Variants in ZNF574 observed in about 807,000 individuals in gnomAD.
ZNF574 encodes the protein zinc finger protein 574.
Under a neutral mutation model 56.6 loss-of-function variants are expected in ZNF574, and 25 were observed. The observed-to-expected ratio is 0.44, with a 90% CI of 0.32 to 0.62. The LOEUF (loss-of-function observed/expected upper bound fraction) is 0.62, where lower values mean the gene tolerates loss of function less well. ZNF574 is among the 20% of genes least tolerant of loss of function. The pLI is 0.04. For missense variants in ZNF574, 1,065 were observed against 1,218.9 expected (o/e 0.87, Z 1.88); for synonymous variants, 543 against 492.1 (o/e 1.10, Z -1.37).
rs755903260 is a variant in ZNF574, at chr19:42,081,389, C to G, written c.*92C>G. 2 of 1,495,246 alleles carry G rather than the reference C, an allele frequency of 1.3e-6. No homozygotes were observed. The highest frequency in any genetic ancestry group is 2.3e-5 in the South Asian group (2 of 87,308). 92.6% of individuals were successfully genotyped at this position (1,495,246 alleles called of 1,614,324 possible). On this transcript the variant is annotated 3_prime_UTR_variant, in exon 2 of 2. Coordinates refer to ENST00000359044, the MANE Select transcript of ZNF574 (RefSeq NM_022752.6). ...GCATCTGTACATACTGTGTCCCTTCCTCTTCCCATCCCCACCACCTTGTAA... is the reference window on the plus strand; with the variant it reads ...GCATCTGTACATACTGTGTCCCTTCGTCTTCCCATCCCCACCACCTTGTAA...
chr19:42,073,597 G>C (rs998513434), upstream of ZNF574, among the ~76,000 whole-genome samples: 13 of 151,490 alleles, frequency 8.6e-5, no homozygotes, highest in Non-Finnish European at 1.5e-4. Flanking sequence ...AAGGTAGATG[G>C]ATCAACTTGA....
rs764650182 is a variant in ZNF574 at position 42,079,387 on chromosome 19, G to T, written c.781G>T (p.Val261Leu). ...GGTGCAGGCCTCGTCACCTGCAGAG[G>T]TGCCTGTGTCTCAGCCTGACCCCTT... Reference protein sequence around the residue: ...QEVQASSPAEVPVSQPDPLPA... With the variant: ...QEVQASSPAELPVSQPDPLPA... Residue 261 changes from valine (V) to leucine (L), a missense_variant, in exon 2 of 2, where the codon GTG (valine) becomes TTG (leucine). By Grantham distance (32) the Val-to-Leu change is conservative. Coordinates refer to ENST00000359044, the MANE Select transcript of ZNF574 (RefSeq NM_022752.6). This position sits in a 1 kb window ranked among gnomAD's most constrained non-coding sequence, Gnocchi z 4.3. The T allele has an allele frequency of 6.2e-7, 1 of 1,613,672 alleles. No homozygotes were observed. Among genetic ancestry groups the T allele is most frequent in the South Asian group, 1.1e-5 (1 of 91,088 alleles).
chr19:42,081,101 G>A lies in ZNF574; in HGVS notation c.2495G>A (p.Arg832His), dbSNP rs2076497570. ...TGCCCTGACTGTGGCAAGAGCTACC[G>A]CTCCTTCTCCAACCTCTGGAAGCAC... Reference protein sequence around the residue: ...YSCPDCGKSYRSFSNLWKHRK... With the variant: ...YSCPDCGKSYHSFSNLWKHRK... The change falls in exon 2 of 2, where the codon CGC (arginine) becomes CAC (histidine). Residue 832 changes from arginine (R) to histidine (H), a missense_variant. Coordinates refer to ENST00000359044, the MANE Select transcript of ZNF574 (RefSeq NM_022752.6). 2 of 1,614,142 alleles carry A rather than the reference G, an allele frequency of 1.2e-6. No individual in the cohort carries two copies. The highest frequency in any genetic ancestry group is 8.5e-7 in the Non-Finnish European group (1 of 1,180,032).
In ZNF574 at chr19:42,068,855, G is replaced by A. The variant is rs750797178; in HGVS notation, c.144G>A (p.Lys48=). 7.3e-6 allele frequency: 5 copies of A among 683,498 alleles called. No homozygotes were observed. In the South Asian group the frequency reaches 7.7e-5, roughly 10 times the overall value. The allele number at this position is 683,498 out of a possible 1,614,324, so 42.3% of individuals were successfully genotyped here. The change falls in exon 1 of 2, where the codon AAG becomes AAA. Residue 48 remains lysine, a synonymous_variant. Coordinates refer to the ZNF574 transcript ENST00000222339. ...CTGGACGGGGTGGGGACAGGGCCAA[G>A]GCCCACCGCAGGCAGAGGATGAGGC...
upstream of ZNF574, among the ~76,000 whole-genome samples, chr19:42,075,852 C>G (rs1200435657): frequency 6.6e-6 from 1 of 152,152 alleles, no homozygotes; most frequent in Non-Finnish European, 1.5e-5. Flanking sequence ...CGTCATCGCG[C>G]CGCCCTCCGC....
Position 42,079,658 on chromosome 19 carries a change from TGGACCA to T in ZNF574, c.1054_1059del (p.Asp352_Gln353del). The T allele has an allele frequency of 6.2e-7, 1 of 1,614,164 alleles. No individual in the cohort carries two copies. Among genetic ancestry groups the T allele is most frequent in the Non-Finnish European group, 8.5e-7 (1 of 1,180,008 alleles). ...CGTGTCTTCCCTAGCCCTTCCAGTC[TGGACCA>T]GCACCTTGGAGACCATAGCAGCGAG... On this transcript the variant is annotated inframe_deletion, in exon 2 of 2. Transcript: ENST00000359044. This position sits in a 1 kb window ranked among gnomAD's most constrained non-coding sequence, Gnocchi z 4.3.
Position 42,078,780 on chromosome 19 carries a change from A to G in ZNF574, c.174A>G (p.Thr58=), listed in dbSNP as rs372485929. The part of the protein sequence containing the change: ...GVADPGVTVA[T]DTASGTGLYQ... ...CTGATCCCGGAGTCACTGTGGCCACAGACACAGCTTCAGGCACGGGCCTCT... is the reference window on the plus strand; with the variant it reads ...CTGATCCCGGAGTCACTGTGGCCACGGACACAGCTTCAGGCACGGGCCTCT... The change falls in exon 2 of 2, where the codon ACA becomes ACG. Residue 58 remains threonine (T), a synonymous_variant. Coordinates refer to ENST00000359044, the MANE Select transcript of ZNF574 (RefSeq NM_022752.6). 5 of 1,614,000 alleles carry G rather than the reference A, an allele frequency of 3.1e-6. No individual in the cohort carries two copies. Among genetic ancestry groups the G allele is most frequent in the Non-Finnish European group, 4.2e-6 (5 of 1,179,974 alleles).
upstream of ZNF574, among the ~76,000 whole-genome samples, chr19:42,075,468 T>C (rs1264511697): frequency 6.6e-6 from 1 of 152,186 alleles, no homozygotes. Context: ...CTCGCTCTCC[T>C]TGCTTCCCCT....
At chr19:42,073,387 T>A (rs1402130514), upstream of ZNF574, among the ~76,000 whole-genome samples, 5 of 152,014 alleles carry the variant, frequency 3.3e-5, no homozygotes, top group Non-Finnish European at 5.9e-5. Flanking sequence ...CCGGAGATAC[T>A]AATAAAAATA....
At chr19:42,072,516 G>A (rs1242221919), upstream of ZNF574, among the ~76,000 whole-genome samples, 4 of 151,440 alleles carry the variant, frequency 2.6e-5, no homozygotes, top group African/African-American at 4.8e-5. Flanking sequence ...GATTACAGGC[G>A]CAAGCCACTG....
chr19:42,068,872 G>A (rs2076380840), exon 1 of ZNF574: 1 of 685,824 alleles, frequency 1.5e-6, no homozygotes, highest in Non-Finnish European at 2.7e-6. Flanking sequence ...CGCAGGCAGA[G>A]GATGAGGCTC....
chr19:42,078,577 C>T lies in ZNF574; in HGVS notation c.-20-10C>T. 1 of 1,594,636 alleles carries T rather than the reference C, an allele frequency of 6.3e-7. No homozygotes were observed. Among genetic ancestry groups the T allele is most frequent in the Non-Finnish European group, 8.6e-7 (1 of 1,167,472 alleles). ...CCTAACTGGTTTGTCCCCACTGTCT[C>T]CTCTTCCAGCCCAGGGCCTTGCTGC... On this transcript the variant is annotated splice_polypyrimidine_tract_variant and intron_variant, in intron 1 of 1. Coordinates refer to ENST00000359044, the MANE Select transcript of ZNF574 (RefSeq NM_022752.6).
At chr19:42,075,705 TC>T (rs1285828640), upstream of ZNF574, among the ~76,000 whole-genome samples, 2 of 152,008 alleles carry the variant, frequency 1.3e-5, no homozygotes, top group Non-Finnish European at 2.9e-5. Context: ...TTCCCGTGCC[TC>T]CATTCCCCCG....
chr19:42,071,716 T>A (rs967308527), upstream of ZNF574, among the ~76,000 whole-genome samples: 1 of 151,894 alleles, frequency 6.6e-6, no homozygotes, highest in Non-Finnish European at 1.5e-5. Flanking sequence ...CAGAACACCA[T>A]CCTTTCGACC....
Position 42,080,481 on chromosome 19 carries a change from C to T in ZNF574, c.1875C>T (p.His625=), listed in dbSNP as rs1370243532. The part of the protein sequence containing the change: ...SFLLRRLLEV[H]QLVVHAGRQP... ...TGCTGCGTCGGCTGCTGGAGGTGCA[C>T]CAGCTCGTGGTCCATGCCGGGCGCC... The change falls in exon 2 of 2, where the codon CAC becomes CAT. Residue 625 remains histidine (H), a synonymous_variant. Transcript: ENST00000359044. The surrounding 1 kb of genome is among the most constrained non-coding windows in gnomAD (Gnocchi z 8.5). The T allele has an allele frequency of 9.9e-6, 16 of 1,613,856 alleles. No homozygotes were observed. Among genetic ancestry groups the T allele is most frequent in the South Asian group, 3.3e-5 (3 of 91,086 alleles).
At chr19:42,069,960 G>A (rs1025587597) in intron 1 of ZNF574, among the ~76,000 whole-genome samples, 2 of 152,020 alleles carry the variant, frequency 1.3e-5, no homozygotes, top group African/African-American at 4.8e-5. Flanking sequence ...GAGGAGGATG[G>A]AGAGGAGCAG....
chr19:42,071,071 G>A (rs1359998783), intron 1 of ZNF574: 1 of 152,656 alleles, frequency 6.6e-6, no homozygotes, highest in Admixed American at 6.6e-5. Flanking sequence ...CCACAGAGAT[G>A]AGTGGGTGGA....
At chr19:42,076,956 T>C (rs1251474619) in intron 1 of ZNF574, among the ~76,000 whole-genome samples, 3 of 152,080 alleles carry the variant, frequency 2.0e-5, no homozygotes, top group African/African-American at 7.2e-5. Flanking sequence ...ATTAAGTGTA[T>C]TTTAAAAGGG....
upstream of ZNF574, among the ~76,000 whole-genome samples, chr19:42,073,423 C>T (rs909890039): frequency 1.3e-4 from 20 of 151,652 alleles, no homozygotes; most frequent in African/African-American, 4.9e-4. Context: ...CAGTGGCTCA[C>T]ACATGTAATC....
Sources: gnomAD v4.1 joint callset for allele counts (sites outside exome capture counted in the v4.1 genomes callset) on GRCh38, gnomAD v4.1.1 for gene constraint, Gnocchi (gnomAD v3.1) non-coding constraint, MANE v1.5 for transcripts, NCBI Gene and HGNC (gene_info 2026-07-23, HGNC 2026-07-21) for gene names.